Variants in CRACD observed in about 807,000 individuals in gnomAD.
The protein encoded by CRACD is capping protein-inhibiting regulator of actin dynamics.
In CRACD, 56 loss-of-function variants were observed where a neutral mutation model predicts 106.8. The observed-to-expected ratio is 0.52, with a 90% CI of 0.42 to 0.66. The LOEUF is 0.66. CRACD is among the 30% of genes least tolerant of loss of function. The probability of loss-of-function intolerance (pLI) is 0.00; values close to 1 mark genes in which losing one functional copy is unlikely to be tolerated. For missense variants in CRACD, 1,730 were observed against 1,623.2 expected (o/e 1.07, Z -1.13); for synonymous variants, 754 against 670.8 (o/e 1.12, Z -1.92).
At chr4:56,185,038 G>A (rs1206232944) in intron 2 of CRACD, among the ~76,000 whole-genome samples, 1 of 152,120 alleles carries the variant, frequency 6.6e-6, no homozygotes, top group Admixed American at 6.6e-5. Context: ...CTCACTGGAA[G>A]CTCCGCCTCC....
At chr4:56,068,297 A>AGCCT (rs1732527829) in intron 1 of CRACD, among the ~76,000 whole-genome samples, 1 of 152,224 alleles carries the variant, frequency 6.6e-6, no homozygotes. Context: ...GCCAAGGCCA[A>AGCCT]GCCTGCCTGC....
At chr4:56,282,867 A>T (rs778988011) in intron 3 of CRACD, among the ~76,000 whole-genome samples, 87 of 152,214 alleles carry the variant, frequency 5.7e-4, no homozygotes, top group Non-Finnish European at 9.4e-4. Flanking sequence ...TTTCGCATAG[A>T]TGCTATCTTT....
chr4:56,301,771 T>G (rs1744383458), intron 4 of CRACD, among the ~76,000 whole-genome samples: 1 of 151,852 alleles, frequency 6.6e-6, no homozygotes, highest in Non-Finnish European at 1.5e-5. Context: ...AAAACCAGCC[T>G]CCCCTTTCCT....
chr4:56,204,982 C>A (rs1738051418), intron 2 of CRACD, among the ~76,000 whole-genome samples: 1 of 152,054 alleles, frequency 6.6e-6, no homozygotes, highest in African/African-American at 2.4e-5. Context: ...CATAGCAAGA[C>A]CTCATTTCTA....
chr4:56,202,539 G>A lies in CRACD; in HGVS notation c.-189+23109G>A, dbSNP rs138244570. 2.6e-3 allele frequency among the ~76,000 whole-genome samples: 391 copies of A among 152,216 alleles called. 3 individuals carry two copies. The highest frequency in any genetic ancestry group is 9.1e-3 in the African/African-American group (377 of 41,534). ...TGGGATTACAGGTGTGAGCCACCGC[G>A]CCCAGCATCAGCAACATTCTTAAGC... On this transcript the variant is annotated intron_variant, in intron 2 of 10. Transcript: ENST00000682029.
At chr4:56,310,597 C>G in intron 5 of CRACD, 69 bp from the exon 6 acceptor site, 2 of 1,121,080 alleles carry the variant, frequency 1.8e-6, no homozygotes. Context: ...CAGGCACAGA[C>G]AGTGTCTGGT....
chr4:56,133,077 G>T (rs1027956360), intron 1 of CRACD, among the ~76,000 whole-genome samples: 13 of 152,082 alleles, frequency 8.5e-5, no homozygotes, highest in Non-Finnish European at 1.9e-4. Flanking sequence ...TTGCACCCTC[G>T]CTGAGTCACT....
chr4:56,124,524 T>G (rs1260054162), intron 1 of CRACD, among the ~76,000 whole-genome samples: 1 of 152,240 alleles, frequency 6.6e-6, no homozygotes, highest in African/African-American at 2.4e-5. Context: ...CCTTAATATC[T>G]AATATCTAGT....
chr4:56,159,395 A>G (rs1735869816), intron 1 of CRACD, among the ~76,000 whole-genome samples: 1 of 152,234 alleles, frequency 6.6e-6, no homozygotes, highest in Non-Finnish European at 1.5e-5. Flanking sequence ...TCACGCCTGT[A>G]ATCCCAGCAC....
intron 1 of CRACD, among the ~76,000 whole-genome samples, chr4:56,109,452 G>C (rs13120985): frequency 6.6e-6 from 1 of 151,990 alleles, no homozygotes; most frequent in Non-Finnish European, 1.5e-5. Context: ...TGAGGGGCCA[G>C]AGCAGCTAAA....
intron 1 of CRACD, among the ~76,000 whole-genome samples, chr4:56,159,077 G>C (rs936405496): frequency 6.6e-6 from 1 of 152,152 alleles, no homozygotes; most frequent in Non-Finnish European, 1.5e-5. Context: ...GTGTTGTGAC[G>C]ACGTCTCACC....
chr4:56,325,256 G>C (rs1746362586), intron 10 of CRACD, among the ~76,000 whole-genome samples: 1 of 152,176 alleles, frequency 6.6e-6, no homozygotes, highest in African/African-American at 2.4e-5. Flanking sequence ...GATTGCTTGA[G>C]CCCAGGAAGT....
chr4:56,230,055 A>G (rs1739527090), intron 2 of CRACD, among the ~76,000 whole-genome samples: 1 of 152,158 alleles, frequency 6.6e-6, no homozygotes, highest in African/African-American at 2.4e-5. Flanking sequence ...TGTGTCTTTT[A>G]TCTTCCCATT....
At chr4:56,229,058 GAT>G (rs1739471121) in intron 2 of CRACD, among the ~76,000 whole-genome samples, 1 of 152,186 alleles carries the variant, frequency 6.6e-6, no homozygotes, top group Admixed American at 6.5e-5. Context: ...AAATTGCAAT[GAT>G]ATTATAACAG....
intron 3 of CRACD, among the ~76,000 whole-genome samples, chr4:56,284,865 T>C (rs1743247530): frequency 6.6e-6 from 1 of 152,182 alleles, no homozygotes; most frequent in Non-Finnish European, 1.5e-5. Flanking sequence ...AAGAGATTCC[T>C]GAGGGACAAA....
chr4:56,180,230 G>A (rs1258372114), intron 2 of CRACD, among the ~76,000 whole-genome samples: 8 of 151,766 alleles, frequency 5.3e-5, no homozygotes, highest in African/African-American at 1.9e-4. Context: ...GTTGGCTCAC[G>A]TCTGTAATCC....
At chr4:56,323,673 T>C in intron 9 of CRACD, 106 bp downstream of exon 9, 1 of 1,071,014 alleles carries the variant, frequency 9.3e-7, no homozygotes, top group East Asian at 2.7e-5. Context: ...GGAAAGTACT[T>C]AGAGAGGGCC....
At chr4:56,256,372 T>A (rs1226386605) in intron 2 of CRACD, among the ~76,000 whole-genome samples, 2 of 152,222 alleles carry the variant, frequency 1.3e-5, no homozygotes, top group African/African-American at 4.8e-5. Context: ...CCCAGCCCCA[T>A]GGAACTGTAG....
At chr4:56,220,665 T>TG (rs1378633114) in intron 2 of CRACD, among the ~76,000 whole-genome samples, 1 of 152,120 alleles carries the variant, frequency 6.6e-6, no homozygotes, top group African/African-American at 2.4e-5. Context: ...TAGAATTCTT[T>TG]GGGGAAGGGG....
Sources: gnomAD v4.1 joint callset for allele counts (sites outside exome capture counted in the v4.1 genomes callset) on GRCh38, gnomAD v4.1.1 for gene constraint, MANE v1.5 for transcripts, NCBI Gene and HGNC (gene_info 2026-07-23, HGNC 2026-07-21) for gene names.